Variants in GABBR2 observed in about 807,000 individuals in gnomAD.
The protein encoded by GABBR2 is G-protein coupled receptor 51.
A neutral mutation model predicts 105.6 loss-of-function variants in GABBR2; 23 were observed. That is an observed-to-expected ratio of 0.22 (90% CI 0.16 to 0.31). GABBR2 has a LOEUF of 0.31. GABBR2 is among the 10% of genes least tolerant of loss of function. The pLI is 1.00. For missense variants in GABBR2, 734 were observed against 1,245.5 expected (o/e 0.59, Z 6.18); for synonymous variants, 478 against 499.7 (o/e 0.96, Z 0.58).
At chr9:98,420,444 G>A (rs1054640105) in intron 7 of GABBR2, among the ~76,000 whole-genome samples, 4 of 151,348 alleles carry the variant, frequency 2.6e-5, no homozygotes, top group Admixed American at 2.0e-4. Context: ...AGAGTGAAGC[G>A]CTGGGTTCAT....
chr9:98,679,219 A>G (rs1284821155), intron 1 of GABBR2, among the ~76,000 whole-genome samples: 3 of 152,214 alleles, frequency 2.0e-5, no homozygotes, highest in Non-Finnish European at 4.4e-5. Context: ...GCAAGATTAA[A>G]ATATTGGAAA....
At chr9:98,706,903 C>T (rs1370283739) in intron 1 of GABBR2, among the ~76,000 whole-genome samples, 2 of 152,214 alleles carry the variant, frequency 1.3e-5, no homozygotes, top group Non-Finnish European at 2.9e-5. Context: ...ACTTGAGATG[C>T]TCAGGCAAAG....
intron 3 of GABBR2, among the ~76,000 whole-genome samples, chr9:98,529,202 C>G (rs994764687): frequency 2.0e-5 from 3 of 151,888 alleles, no homozygotes; most frequent in African/African-American, 4.8e-5. Flanking sequence ...AGAAGAAGAC[C>G]GTTCATGGAC....
chr9:98,527,161 T>A (rs1224011433), intron 3 of GABBR2, among the ~76,000 whole-genome samples: 3 of 150,394 alleles, frequency 2.0e-5, no homozygotes, highest in East Asian at 3.9e-4. Context: ...TTGGACACTG[T>A]TCTAAGCCCT....
chr9:98,365,877 C>G (rs10818821), intron 12 of GABBR2, among the ~76,000 whole-genome samples: 57,542 of 151,954 alleles, frequency 0.38, 13,098 homozygotes, highest in African/African-American at 0.64. Flanking sequence ...TTAGGCAAGG[C>G]CATCTCCCTA....
At chr9:98,572,312 C>G (rs569082398) in intron 2 of GABBR2, among the ~76,000 whole-genome samples, 52 of 152,318 alleles carry the variant, frequency 3.4e-4, no homozygotes, top group African/African-American at 1.2e-3. Flanking sequence ...GTTTCAGCAC[C>G]AGGGTGAATT....
At chr9:98,693,973 T>C (rs1830717231) in intron 1 of GABBR2, among the ~76,000 whole-genome samples, 1 of 152,228 alleles carries the variant, frequency 6.6e-6, no homozygotes, top group South Asian at 2.1e-4. Context: ...GGTAGCCAGC[T>C]AGCAACTGTT....
intron 13 of GABBR2, among the ~76,000 whole-genome samples, chr9:98,328,288 G>A (rs1830960887): frequency 6.6e-6 from 1 of 152,000 alleles, no homozygotes; most frequent in Non-Finnish European, 1.5e-5. Context: ...GAGAAAACAA[G>A]GATTGAGGAA....
intron 17 of GABBR2, among the ~76,000 whole-genome samples, chr9:98,295,822 C>A (rs1461869054): frequency 1.3e-5 from 2 of 152,142 alleles, no homozygotes; most frequent in South Asian, 2.1e-4. Context: ...CTGTGCTCAG[C>A]CTAAATAAGA....
chr9:98,389,665 G>A (rs1832143675), intron 9 of GABBR2, among the ~76,000 whole-genome samples: 3 of 152,348 alleles, frequency 2.0e-5, no homozygotes, highest in African/African-American at 7.2e-5. Context: ...CTGCAGAGGT[G>A]CGCTGCTCAT....
intron 1 of GABBR2, among the ~76,000 whole-genome samples, chr9:98,652,191 C>G (rs1937799069): frequency 6.6e-6 from 1 of 152,104 alleles, no homozygotes; most frequent in Non-Finnish European, 1.5e-5. Flanking sequence ...TGGCACTGTT[C>G]CTGAGATGAT....
At chr9:98,538,750 C>T (rs984915403) in intron 3 of GABBR2, 11 of 181,074 alleles carry the variant, frequency 6.1e-5, no homozygotes, top group East Asian at 1.9e-4. Flanking sequence ...AAGTGCTTGA[C>T]GTTGCTGATC....
At chr9:98,468,824 C>T (rs1035108265) in intron 6 of GABBR2, among the ~76,000 whole-genome samples, 3 of 152,106 alleles carry the variant, frequency 2.0e-5, no homozygotes, top group South Asian at 2.1e-4. Context: ...CTGTGTGTCA[C>T]GTAACAACAG....
chr9:98,673,282 T>C (rs932690010), intron 1 of GABBR2, among the ~76,000 whole-genome samples: 2 of 152,214 alleles, frequency 1.3e-5, no homozygotes, highest in African/African-American at 4.8e-5. Context: ...AAGTGCCAGC[T>C]GGCACCAAGA....
At chr9:98,470,094 A>G (rs1322521201) in intron 6 of GABBR2, among the ~76,000 whole-genome samples, 4 of 152,220 alleles carry the variant, frequency 2.6e-5, no homozygotes, top group Non-Finnish European at 4.4e-5. Context: ...GAGAATGTTC[A>G]ACAAAGGCAA....
chr9:98,607,378 C>T, intron 1 of GABBR2: 1 of 689,044 alleles, frequency 1.5e-6, no homozygotes, highest in South Asian at 1.7e-5. Context: ...GAAGCGTTTG[C>T]ATGAAACAGT....
intron 14 of GABBR2, among the ~76,000 whole-genome samples, chr9:98,310,318 G>T (rs28636819): frequency 1.3e-5 from 2 of 151,684 alleles, no homozygotes; most frequent in South Asian, 2.1e-4. Context: ...GCCTGATCTC[G>T]GCCCACCGCA....
intron 7 of GABBR2, among the ~76,000 whole-genome samples, chr9:98,434,383 T>C (rs1426292501): frequency 6.6e-6 from 1 of 152,086 alleles, no homozygotes; most frequent in Non-Finnish European, 1.5e-5. Flanking sequence ...GGGAACATGG[T>C]GGGGCTCAGG....
At chr9:98,523,356 T>C (rs1258720182) in intron 3 of GABBR2, among the ~76,000 whole-genome samples, 3 of 152,162 alleles carry the variant, frequency 2.0e-5, no homozygotes, top group African/African-American at 7.2e-5. Flanking sequence ...ACTGAAGACT[T>C]AACTTGTGTT....
Sources: allele counts gnomAD v4.1 joint callset (sites outside exome capture counted in the v4.1 genomes callset), GRCh38; gene constraint gnomAD v4.1.1; transcripts MANE v1.5; gene names NCBI Gene and HGNC (gene_info 2026-07-23, HGNC 2026-07-21).